Variants in CSMD1 observed in about 807,000 individuals in gnomAD.
The protein encoded by CSMD1 is CUB and Sushi multiple domains 1, also known as CUB and sushi domain-containing protein 1.
A neutral mutation model predicts 417.5 loss-of-function variants in CSMD1; 213 were observed. The ratio of observed to expected loss-of-function variants is 0.51; its 90% CI spans 0.46 to 0.57. The LOEUF is 0.57. CSMD1 is among the 20% of genes least tolerant of loss of function. The pLI, the probability that CSMD1 is intolerant of heterozygous loss-of-function variation, is 0.00. For missense variants in CSMD1, 6,923 were observed against 4,529.7 expected, an observed-to-expected ratio of 1.53 and a Z score of -15.17; for synonymous variants, 2,862 against 1,736.8, an observed-to-expected ratio of 1.65 and a Z score of -16.11.
intron 18 of CSMD1, among the ~76,000 whole-genome samples, chr8:3,376,699 A>G (rs1343571393): frequency 5.9e-5 from 9 of 152,166 alleles, no homozygotes; most frequent in African/African-American, 1.9e-4. Flanking sequence ...GAATGTGTGA[A>G]AGAGTAATGT....
intron 56 of CSMD1, among the ~76,000 whole-genome samples, chr8:2,974,013 G>A (rs937209976): frequency 2.8e-5 from 4 of 143,734 alleles, no homozygotes; most frequent in Non-Finnish European, 1.5e-5. Context: ...AGAGGATGAT[G>A]GTAGAGGATG....
chr8:3,057,644 C>A (rs997119167), intron 49 of CSMD1, among the ~76,000 whole-genome samples: 26 of 152,138 alleles, frequency 1.7e-4, no homozygotes, highest in African/African-American at 6.0e-4. Flanking sequence ...GACTTTCTTA[C>A]AGATAAAGTT....
chr8:3,555,568 T>G (rs1799108362), intron 10 of CSMD1, among the ~76,000 whole-genome samples: 1 of 152,208 alleles, frequency 6.6e-6, no homozygotes. Flanking sequence ...TCACTGAAGC[T>G]TTTGTGTAAG....
intron 5 of CSMD1, among the ~76,000 whole-genome samples, chr8:3,982,157 C>CAAA (rs1160692955): frequency 4.8e-5 from 4 of 82,488 alleles, no homozygotes; most frequent in Non-Finnish European, 9.5e-5. Context: ...GGCTCTATCT[C>CAAA]AAAAATAATA....
At chr8:3,241,546 G>A (rs975622069) in intron 26 of CSMD1, among the ~76,000 whole-genome samples, 5 of 152,298 alleles carry the variant, frequency 3.3e-5, no homozygotes, top group Admixed American at 3.3e-4. Flanking sequence ...AGTTCCAGGG[G>A]CTCTGGGAGT....
At chr8:4,683,416 C>G (rs906824935) in intron 1 of CSMD1, among the ~76,000 whole-genome samples, 3 of 152,108 alleles carry the variant, frequency 2.0e-5, no homozygotes, top group Non-Finnish European at 4.4e-5. Context: ...CATTTACACA[C>G]TCATTATATC....
intron 26 of CSMD1, among the ~76,000 whole-genome samples, chr8:3,231,145 T>C (rs1349473089): frequency 6.6e-6 from 1 of 152,136 alleles, no homozygotes. Context: ...GAAATAGCAG[T>C]TGTTTTCTCC....
rs114567579 is a variant in CSMD1, at chr8:3,153,562, G to C, written c.5915-2049C>G. Among the ~76,000 whole-genome samples, 1,070 of 152,304 alleles carry C rather than the reference G, an allele frequency of 7.0e-3. 11 individuals are homozygous for C. The highest frequency in any genetic ancestry group is 0.025 in the African/African-American group (1,024 of 41,570). ...CAATGACAAAAAAAGGAAAACAACA[G>C]AACCAGTAAATGTGGTATTACTAAA... On this transcript the variant is annotated intron_variant, in intron 39 of 69. Coordinates refer to ENST00000635120, the MANE Select transcript of CSMD1 (RefSeq NM_033225.6).
At chr8:4,738,643 A>G (rs1810399450) in intron 1 of CSMD1, among the ~76,000 whole-genome samples, 1 of 152,158 alleles carries the variant, frequency 6.6e-6, no homozygotes, top group Non-Finnish European at 1.5e-5. Context: ...ATTTTCCAAC[A>G]GCATCGTTTC....
intron 18 of CSMD1, among the ~76,000 whole-genome samples, chr8:3,373,106 T>A (rs1216727744): frequency 6.6e-6 from 1 of 152,228 alleles, no homozygotes. Context: ...GTGGTCTTTA[T>A]CCCAAAATCT....
intron 8 of CSMD1, among the ~76,000 whole-genome samples, chr8:3,589,275 G>C (rs578127224): frequency 6.6e-6 from 1 of 152,078 alleles, no homozygotes; most frequent in East Asian, 1.9e-4. Context: ...ACGTTGAAGA[G>C]ATATCTGCAC....
At chr8:4,110,907 T>C (rs1468835237) in intron 3 of CSMD1, among the ~76,000 whole-genome samples, 2 of 152,164 alleles carry the variant, frequency 1.3e-5, no homozygotes, top group African/African-American at 2.4e-5. Context: ...AGACATAAAG[T>C]GAGACAATGA....
At chr8:4,566,924 C>CTTTT (rs1563293020) in intron 2 of CSMD1, among the ~76,000 whole-genome samples, 1 of 36,824 alleles carries the variant, frequency 2.7e-5, no homozygotes, top group Non-Finnish European at 7.4e-5. Context: ...CAGGAATGAA[C>CTTTT]TAAAACTTTA....
chr8:4,864,119 T>G (rs1394176110), intron 1 of CSMD1, among the ~76,000 whole-genome samples: 2 of 151,980 alleles, frequency 1.3e-5, no homozygotes, highest in Admixed American at 1.3e-4. Context: ...GTTGAAAACT[T>G]TGTCTGGGTA....
intron 7 of CSMD1, among the ~76,000 whole-genome samples, chr8:3,660,889 T>G (rs1037795845): frequency 2.0e-5 from 3 of 152,182 alleles, no homozygotes; most frequent in African/African-American, 7.2e-5. Context: ...ATGACAGATT[T>G]TTTGTATACA....
At chr8:3,938,155 T>C (rs1283693673) in intron 5 of CSMD1, among the ~76,000 whole-genome samples, 3 of 152,156 alleles carry the variant, frequency 2.0e-5, no homozygotes, top group Admixed American at 2.0e-4. Context: ...TAATTTCTGG[T>C]AATTGTGTCA....
intron 12 of CSMD1, among the ~76,000 whole-genome samples, chr8:3,430,738 T>C (rs1814164669): frequency 6.6e-6 from 1 of 151,984 alleles, no homozygotes; most frequent in African/African-American, 2.4e-5. Flanking sequence ...ACCCTGGAGG[T>C]GGAGGTTGCA....
At chr8:4,762,279 G>A (rs1041157089) in intron 1 of CSMD1, among the ~76,000 whole-genome samples, 1 of 152,066 alleles carries the variant, frequency 6.6e-6, no homozygotes, top group South Asian at 2.1e-4. Flanking sequence ...GTGGTTTACG[G>A]GTAATTGGGG....
chr8:3,362,984 A>G (rs1250225472), intron 20 of CSMD1, among the ~76,000 whole-genome samples: 1 of 152,234 alleles, frequency 6.6e-6, no homozygotes, highest in Non-Finnish European at 1.5e-5. Context: ...GGCTTCATGC[A>G]ACATCCTGAG....
Sources: gnomAD v4.1 joint callset for allele counts (sites outside exome capture counted in the v4.1 genomes callset) on GRCh38, gnomAD v4.1.1 for gene constraint, MANE v1.5 for transcripts, NCBI Gene and HGNC (gene_info 2026-07-23, HGNC 2026-07-21) for gene names.